The following DNAI4 variants were observed in gnomAD, a reference collection of about 807,000 sequenced individuals.
The protein encoded by DNAI4 is WD repeat domain 78.
DNAI4 carries 85 observed loss-of-function variants against 105.8 expected under a neutral mutation model. That is an observed-to-expected ratio of 0.80 (90% CI 0.67 to 0.96). DNAI4 has a LOEUF of 0.96. DNAI4 is among the 40% of genes least tolerant of loss of function. The pLI is 0.00. For missense variants in DNAI4, 1,014 were observed against 1,005.6 expected (o/e 1.01, Z -0.11); for synonymous variants, 352 against 331.5 (o/e 1.06, Z -0.67).
intron 13 of DNAI4, among the ~76,000 whole-genome samples, chr1:66,830,187 A>G (rs115389555): frequency 2.7e-3 from 408 of 152,238 alleles, no homozygotes; most frequent in Non-Finnish European, 4.8e-3. Context: ...CAAAGTAAAG[A>G]AAAGAAATAA....
intron 1 of DNAI4, chr1:66,919,036 C>G (rs1007078455): frequency 1.2e-5 from 5 of 414,992 alleles, no homozygotes; most frequent in Non-Finnish European, 2.4e-5. Flanking sequence ...TGGAAGCCCC[C>G]TCCCTGCTTC....
At chr1:66,830,656 C>G (rs1023994514) in intron 13 of DNAI4, among the ~76,000 whole-genome samples, 1 of 151,544 alleles carries the variant, frequency 6.6e-6, no homozygotes. Context: ...TGGTGCACAC[C>G]CGTAATCCCA....
chr1:66,857,392 G>A (rs1646524217), intron 7 of DNAI4, among the ~76,000 whole-genome samples: 1 of 151,330 alleles, frequency 6.6e-6, no homozygotes, highest in Non-Finnish European at 1.5e-5. Context: ...TGTAAATGAT[G>A]AGTTAATGGG....
chr1:66,883,065 C>A (rs1001946738), intron 4 of DNAI4, among the ~76,000 whole-genome samples: 3 of 151,382 alleles, frequency 2.0e-5, no homozygotes, highest in Non-Finnish European at 4.4e-5. Context: ...AGTTTAATTT[C>A]AAAGTCTAGT....
chr1:66,846,536 A>G (rs895404807), intron 8 of DNAI4, among the ~76,000 whole-genome samples: 4 of 152,230 alleles, frequency 2.6e-5, no homozygotes, highest in Non-Finnish European at 5.9e-5. Context: ...TTTGAGGATT[A>G]CCAGATAAGT....
chr1:66,822,600 T>C (rs1572587657), intron 15 of DNAI4, 83 bp from the exon 16 acceptor site: 1 of 1,227,556 alleles, frequency 8.1e-7, no homozygotes, highest in East Asian at 2.7e-5. Context: ...TTGACATTTT[T>C]TAAATTAAAT....
chr1:66,858,864 G>C (rs796529960), intron 7 of DNAI4, among the ~76,000 whole-genome samples: 8 of 152,180 alleles, frequency 5.3e-5, no homozygotes, highest in African/African-American at 1.9e-4. Context: ...ATAATGGTGA[G>C]AAACTGAAAA....
At position 66,829,178 on chromosome 1, in the gene DNAI4, T is replaced by C. The variant is rs142198145; in HGVS notation, c.2014-1268A>G. ...AGATAAGGAGGCCAGATATTTTATA[T>C]ATGCCCCCTTCAAGCAAGATGTTAG... On this transcript the variant is annotated intron_variant, in intron 13 of 16. Transcript: ENST00000371026. Among the ~76,000 whole-genome samples, 34 of 152,328 alleles carry C rather than the reference T, an allele frequency of 2.2e-4. No homozygotes were observed. In the East Asian group the frequency reaches 6.2e-3, roughly 28 times the overall value.
chr1:66,831,340 AAAACTATAGATCAATCTCTCTTC>A (rs1557902475), intron 13 of DNAI4, among the ~76,000 whole-genome samples: 1 of 152,172 alleles, frequency 6.6e-6, no homozygotes, highest in East Asian at 1.9e-4. Context: ...ATGTCACAAG[AAAACTATAGATCAATCTCTCTTC>A]TAACCAAAGA....
intron 8 of DNAI4, among the ~76,000 whole-genome samples, chr1:66,843,019 G>C (rs748228480): frequency 6.6e-6 from 1 of 151,916 alleles, no homozygotes; most frequent in South Asian, 2.1e-4. Context: ...GCAACAAAGC[G>C]AGACCTCATC....
intron 4 of DNAI4, among the ~76,000 whole-genome samples, chr1:66,875,973 G>T (rs1202565661): frequency 6.6e-6 from 1 of 152,026 alleles, no homozygotes; most frequent in African/African-American, 2.4e-5. Flanking sequence ...CTGTACTATG[G>T]TAATAAGAAT....
intron 9 of DNAI4, 91 bp downstream of exon 9, chr1:66,840,378 C>T (rs902610772): frequency 8.2e-7 from 1 of 1,218,924 alleles, no homozygotes; most frequent in Non-Finnish European, 1.2e-6. Context: ...TTCCTTGTGC[C>T]ATATCTAAGG....
At chr1:66,918,417 T>G (rs1228472884) in intron 1 of DNAI4, among the ~76,000 whole-genome samples, 2 of 152,368 alleles carry the variant, frequency 1.3e-5, no homozygotes, top group East Asian at 3.9e-4. Context: ...CCTTCTTTTT[T>G]GCCCCATTTT....
Position 66,871,460 on chromosome 1 carries a change from C to A in DNAI4, c.850G>T (p.Asp284Tyr). The stretch of plus-strand genomic sequence containing the variant: ...TGCATCATCCTTTCAACATATAGGT[C>A]ATTGCCTAATCTGTTTCTACAAAGG... ...EVLCRNRLGN[D>Y]LYVERMMQTF... Residue 284 changes from aspartate (D) to tyrosine (Y), a missense_variant, in exon 6 of 17, where the codon GAC becomes TAC. Physicochemically the swap from Asp to Tyr is radical, Grantham distance 160. Coordinates refer to ENST00000371026, the MANE Select transcript of DNAI4 (RefSeq NM_024763.5). 1 of 1,610,820 alleles carries A rather than the reference C, an allele frequency of 6.2e-7. No homozygotes were observed. The highest frequency in any genetic ancestry group is 8.5e-7 in the Non-Finnish European group (1 of 1,178,428).
chr1:66,838,349 C>A (rs1020029132), intron 9 of DNAI4, among the ~76,000 whole-genome samples: 2 of 152,148 alleles, frequency 1.3e-5, no homozygotes, highest in Admixed American at 1.3e-4. Flanking sequence ...CACCAGAGGT[C>A]TCTCTCTGCC....
intron 6 of DNAI4, 115 bp downstream of exon 6, chr1:66,871,255 G>T: frequency 1.1e-6 from 1 of 932,526 alleles, no homozygotes; most frequent in Non-Finnish European, 1.5e-6. Flanking sequence ...GTTGTGGTTT[G>T]GCCAAATTAT....
At chr1:66,841,835 TC>T (rs1011525727) in intron 8 of DNAI4, among the ~76,000 whole-genome samples, 6 of 152,204 alleles carry the variant, frequency 3.9e-5, no homozygotes, top group African/African-American at 1.4e-4. Flanking sequence ...TCATTCAAAG[TC>T]CATAGTTTTA....
At chr1:66,850,118 C>A (rs1646364760) in intron 7 of DNAI4, among the ~76,000 whole-genome samples, 1 of 133,808 alleles carries the variant, frequency 7.5e-6, no homozygotes. Flanking sequence ...ACACACCATA[C>A]TAAAATTTCT....
intron 6 of DNAI4, among the ~76,000 whole-genome samples, chr1:66,866,037 G>T (rs1363453152): frequency 6.6e-6 from 1 of 152,052 alleles, no homozygotes; most frequent in Non-Finnish European, 1.5e-5. Context: ...AAGGCAGTGT[G>T]GTGGCTCATG....
Sources: gnomAD v4.1 joint callset for allele counts (sites outside exome capture counted in the v4.1 genomes callset) on GRCh38, gnomAD v4.1.1 for gene constraint, MANE v1.5 for transcripts, NCBI Gene and HGNC (gene_info 2026-07-23, HGNC 2026-07-21) for gene names.